CREBRF: variants seen among roughly 807,000 people sequenced by gnomAD.
The protein encoded by CREBRF is UPF0474 protein C5orf41.
CREBRF carries 5 observed loss-of-function variants against 66.1 expected under a neutral mutation model. The observed-to-expected ratio is 0.08, with a 90% confidence interval of 0.04 to 0.16. The LOEUF (loss-of-function observed/expected upper bound fraction) is 0.16, where lower values mean the gene tolerates loss of function less well. Among genes scored for constraint, CREBRF ranks in the 10% least tolerant of loss-of-function variants. The pLI is 1.00. For missense variants in CREBRF, 531 were observed against 744.9 expected (o/e 0.71, Z 3.34); for synonymous variants, 229 against 264.4 (o/e 0.87, Z 1.30).
intron 2 of CREBRF, chr5:173,085,902 G>C: frequency 1.1e-6 from 1 of 892,194 alleles, no homozygotes; most frequent in Non-Finnish European, 1.9e-6. Context: ...AGCAAGAAAG[G>C]AGTCTTTGGG....
intron 7 of CREBRF, among the ~76,000 whole-genome samples, chr5:173,120,353 C>T (rs1759109715): frequency 6.6e-6 from 1 of 150,768 alleles, no homozygotes; most frequent in Non-Finnish European, 1.5e-5. Context: ...TTTATTTCTT[C>T]TTGTATGGAT....
chr5:173,076,000 C>T (rs567577354), intron 1 of CREBRF, among the ~76,000 whole-genome samples: 10 of 141,214 alleles, frequency 7.1e-5, no homozygotes, highest in Non-Finnish European at 1.3e-4. Context: ...GCAGGAGGAT[C>T]GCTTGAGCCC....
chr5:173,108,677 C>T lies in CREBRF; in HGVS notation c.1276C>T (p.Arg426Trp), dbSNP rs201664801. The T allele has an allele frequency of 1.6e-4, 252 of 1,613,176 alleles. No homozygotes were observed. The highest frequency in any genetic ancestry group is 2.1e-4 in the Non-Finnish European group (243 of 1,179,770). The stretch of plus-strand genomic sequence containing the variant: ...GAAGGAGGTGACTTCAATATCTTCA[C>T]GGAAGAGAGGTAAAAGAAGATACTT... ...DLKEVTSISS[R>W]KRGKRRYFWE... is the part of the protein sequence containing the mutation. Residue 426 changes from arginine (R) to tryptophan (W), a missense_variant, in exon 5 of 9, where the codon CGG becomes TGG. Physicochemically the swap from Arg to Trp is moderately radical, Grantham distance 101. Coordinates refer to ENST00000296953, the MANE Select transcript of CREBRF (RefSeq NM_153607.3).
chr5:173,103,342 TTG>T lies in CREBRF; in HGVS notation c.1223-5279_1223-5278del, dbSNP rs1348065741. On this transcript the variant is annotated intron_variant, in intron 4 of 8. Transcript: ENST00000296953. ...CTTTCACCACAAAATTGTGTTAATT[TTG>T]TGGTATTATTTGGACTTTATTCACA... Among the ~76,000 whole-genome samples the T allele has an allele frequency of 9.8e-5, 15 of 152,326 alleles. No individual in the cohort carries two copies. In the South Asian group the frequency reaches 1.7e-3, roughly 17 times the overall value.
At chr5:173,072,204 C>T (rs1757617336) in intron 1 of CREBRF, among the ~76,000 whole-genome samples, 1 of 151,998 alleles carries the variant, frequency 6.6e-6, no homozygotes, top group Non-Finnish European at 1.5e-5. Context: ...AACTCCTGAG[C>T]TCAAGCCATC....
At chr5:173,074,859 G>T (rs1419856184) in intron 1 of CREBRF, among the ~76,000 whole-genome samples, 1 of 152,086 alleles carries the variant, frequency 6.6e-6, no homozygotes, top group Non-Finnish European at 1.5e-5. Context: ...GACCTCACGT[G>T]ATCTGCCTGC....
chr5:173,066,334 T>C (rs1757436480), intron 1 of CREBRF, among the ~76,000 whole-genome samples: 1 of 152,202 alleles, frequency 6.6e-6, no homozygotes, highest in Non-Finnish European at 1.5e-5. Flanking sequence ...CAGTGTAGAA[T>C]GTGACTGCCT....
At chr5:173,093,026 T>C (rs1411423664) in intron 4 of CREBRF, among the ~76,000 whole-genome samples, 1 of 152,218 alleles carries the variant, frequency 6.6e-6, no homozygotes, top group East Asian at 1.9e-4. Flanking sequence ...GTAATTTATA[T>C]AACTCCCTGC....
At chr5:173,068,066 A>C in intron 1 of CREBRF, 1 of 436,542 alleles carries the variant, frequency 2.3e-6, no homozygotes. Context: ...AGTAGAGTGC[A>C]CTTGTTAGGT....
chr5:173,100,236 A>G lies in CREBRF; in HGVS notation c.1223-8388A>G, dbSNP rs541161740. On this transcript the variant is annotated intron_variant, in intron 4 of 8. Coordinates refer to ENST00000296953, the MANE Select transcript of CREBRF (RefSeq NM_153607.3). ...AGTGATCCGCCCACCTCGGCCCTCC[A>G]AAGTGCTGGGATTAGTAGTGTGAGT... Among the ~76,000 whole-genome samples the G allele has an allele frequency of 3.3e-5, 5 of 149,480 alleles. No homozygotes were observed. The East Asian group carries it at 9.8e-4, about 29-fold the overall frequency.
intron 4 of CREBRF, among the ~76,000 whole-genome samples, chr5:173,092,787 AT>A (rs1291715365): frequency 6.6e-6 from 1 of 152,180 alleles, no homozygotes; most frequent in Non-Finnish European, 1.5e-5. Flanking sequence ...AAATGCTTTG[AT>A]TTATGCATTT....
At chr5:173,070,005 A>T (rs1757552406) in intron 1 of CREBRF, among the ~76,000 whole-genome samples, 1 of 151,362 alleles carries the variant, frequency 6.6e-6, no homozygotes, top group South Asian at 2.1e-4. Flanking sequence ...AGCGATTCTC[A>T]TGCCTCAGCC....
In CREBRF at chr5:173,101,078, T is replaced by C. The variant is rs563232016; in HGVS notation, c.1223-7546T>C. On this transcript the variant is annotated intron_variant, in intron 4 of 8. Coordinates refer to ENST00000296953, the MANE Select transcript of CREBRF (RefSeq NM_153607.3). ...GTAGGGTATTGTTTTTGTTTTTTTC[T>C]CTGAGACAGGGTCTTAACTCTTGCT... Among the ~76,000 whole-genome samples, 4 of 152,298 alleles carry C rather than the reference T, an allele frequency of 2.6e-5. No individual in the cohort carries two copies. The South Asian group carries it at 6.2e-4, about 24-fold the overall frequency.
chr5:173,096,173 G>T (rs1758471897), intron 4 of CREBRF, among the ~76,000 whole-genome samples: 1 of 151,940 alleles, frequency 6.6e-6, no homozygotes, highest in African/African-American at 2.4e-5. Flanking sequence ...GTTTCACTGT[G>T]TTAGCCAGGA....
chr5:173,092,498 A>C (rs995965617), intron 4 of CREBRF, among the ~76,000 whole-genome samples: 3 of 152,236 alleles, frequency 2.0e-5, no homozygotes, highest in African/African-American at 7.2e-5. Flanking sequence ...ACATGGTTGA[A>C]AATGCACAAA....
chr5:173,132,111 G>A (rs1274544957), intron 8 of CREBRF, among the ~76,000 whole-genome samples: 3 of 139,000 alleles, frequency 2.2e-5, no homozygotes, highest in Non-Finnish European at 4.6e-5. Flanking sequence ...TTGAGATGGA[G>A]TTTCACTCTT....
In CREBRF at chr5:173,137,842, A is replaced by G. The variant is rs1015855002; in HGVS notation, c.*4097A>G. 6.6e-6 allele frequency: 1 copy of G among 152,132 alleles called. No individual in the cohort carries two copies. Among genetic ancestry groups the G allele is most frequent in the Non-Finnish European group, 1.5e-5 (1 of 67,988 alleles). 9.4% of individuals were successfully genotyped at this position (152,132 alleles called of 1,614,324 possible). ...TAAGATTTAATGTTATAAGAAATGA[A>G]TTCAAGTTGCCTTCAGCAAGAATTA... On this transcript the variant is annotated 3_prime_UTR_variant, in exon 9 of 9. Transcript: ENST00000296953.
In CREBRF at chr5:173,111,086, C is replaced by A. The variant is rs1339072070; in HGVS notation, c.1607+375C>A. Among the ~76,000 whole-genome samples, 2 of 152,080 alleles carry A rather than the reference C, an allele frequency of 1.3e-5. 1 individual carries two copies. The highest frequency in any genetic ancestry group is 4.2e-4 in the South Asian group (2 of 4,818). ...ACATATCCAATCATACAACCACCAC[C>A]ACAATCAAGATATTGAACATTTTCA... On this transcript the variant is annotated intron_variant, in intron 6 of 8. Transcript: ENST00000296953.
intron 2 of CREBRF, chr5:173,085,796 T>C (rs1048390720): frequency 3.9e-6 from 3 of 778,038 alleles, no homozygotes; most frequent in Admixed American, 1.7e-5. Flanking sequence ...ATGGGTCAGC[T>C]TTTTAGCAGT....
Sources: gnomAD v4.1 joint callset for allele counts (sites outside exome capture counted in the v4.1 genomes callset) on GRCh38, gnomAD v4.1.1 for gene constraint, MANE v1.5 for transcripts, NCBI Gene and HGNC (gene_info 2026-07-23, HGNC 2026-07-21) for gene names.